The following MARF1 variants were observed in gnomAD, a reference collection of about 807,000 sequenced individuals.
MARF1 encodes the protein limkain-b1.
MARF1 carries 24 observed loss-of-function variants against 168.2 expected under a neutral mutation model. That is an observed-to-expected ratio of 0.14 (90% CI 0.10 to 0.20). The LOEUF (loss-of-function observed/expected upper bound fraction) is 0.20. MARF1 is among the 10% of genes least tolerant of loss of function. The pLI, the probability that MARF1 is intolerant of heterozygous loss-of-function variation, is 1.00. For synonymous variants in MARF1, 868 were observed against 822.4 expected (o/e 1.06, Z -0.95); for missense variants, 1,744 against 2,143.6 (o/e 0.81, Z 3.68).
At chr16:15,635,413 T>A (rs1227608765) in intron 3 of MARF1, 1 of 513,688 alleles carries the variant, frequency 1.9e-6, no homozygotes, top group Non-Finnish European at 3.4e-6. Flanking sequence ...CAACCTCTTG[T>A]TTGCAACAAG....
At chr16:15,600,924 C>G in intron 23 of MARF1, 1 of 700,786 alleles carries the variant, frequency 1.4e-6, no homozygotes, top group Non-Finnish European at 2.6e-6. Flanking sequence ...AATCATGAGA[C>G]ACAGTTTCAG....
In MARF1 at chr16:15,609,662, C is replaced by T. The variant is rs1669150987; in HGVS notation, c.3815G>A (p.Arg1272His). 2.5e-6 allele frequency: 4 copies of T among 1,613,978 alleles called. No individual in the cohort carries two copies. The highest frequency in any genetic ancestry group is 1.3e-5 in the African/African-American group (1 of 74,892). ...QFSKDVVDLL[R>H]HQPHFRMPFN... ...GGGCATCCGGAAATGGGGTTGGTGA[C>T]GCAGCAAATCAACGACATCCTTGGA... Residue 1272 changes from arginine to histidine, a missense_variant, in exon 20 of 27, where the codon CGT becomes CAT. Physicochemically the swap from Arg to His is conservative, Grantham distance 29. This residue lies in a region of MARF1 where 543 missense variants were observed against 742.1 expected (regional missense o/e 0.73). Transcript: ENST00000396368.
At chr16:15,623,910 CTT>C (rs1168260036) in intron 10 of MARF1, among the ~76,000 whole-genome samples, 12 of 132,816 alleles carry the variant, frequency 9.0e-5, no homozygotes, top group Admixed American at 1.5e-4. Flanking sequence ...GTCACTTTCT[CTT>C]TTTTTTTTTT....
In MARF1 at chr16:15,611,708, C is replaced by T. The variant is rs765487980; in HGVS notation, c.3501G>A (p.Leu1167=). Residue 1167 remains leucine (L), a synonymous_variant, in exon 18 of 27, where the codon CTG becomes CTA. Coordinates refer to ENST00000396368, the MANE Select transcript of MARF1 (RefSeq NM_014647.4). ...CCTGGGCCCTGTGGGTAAGGGTCAG[C>T]AGACGTTTGGAGCCCATTCCAAGAA... is the stretch of plus-strand genomic sequence containing the variant. ...LQILGMGSKR[L]LTLTHRAQVK... The T allele has an allele frequency of 1.2e-6, 2 of 1,614,110 alleles. No homozygotes were observed. The highest frequency in any genetic ancestry group is 1.7e-6 in the Non-Finnish European group (2 of 1,180,016).
intron 21 of MARF1, 115 bp from the exon 22 acceptor site, chr16:15,604,513 T>G (rs2032832980): frequency 1.5e-6 from 1 of 683,530 alleles, no homozygotes; most frequent in Non-Finnish European, 2.5e-6. Flanking sequence ...AATCTCTAAT[T>G]TTTTTCTCTT....
At position 15,596,818 on chromosome 16, in the gene MARF1, G is replaced by A. The variant is rs1295159215; in HGVS notation, c.5104C>T (p.Pro1702Ser). The change falls in exon 27 of 27, where the codon CCC (proline) becomes TCC (serine). Residue 1702 changes from proline (P) to serine (S), a missense_variant. By Grantham distance (74) the Pro-to-Ser change is moderately conservative. Around this residue, in one of 7 missense-constraint regions of MARF1, gnomAD observed 313 missense variants for 337.4 expected, o/e 0.93. Coordinates refer to ENST00000396368, the MANE Select transcript of MARF1 (RefSeq NM_014647.4). Reference protein sequence around the residue: ...ISAAVPVPPCPSSETSESLLS... With the variant: ...ISAAVPVPPCSSSETSESLLS... Reference sequence around the variant, plus strand: ...AGTGACTCGGAGGTTTCCGAGGAGGGGCAGGGAGGCACGGGGACAGCTGCT... The same window carrying A: ...AGTGACTCGGAGGTTTCCGAGGAGGAGCAGGGAGGCACGGGGACAGCTGCT... The A allele has an allele frequency of 1.3e-5, 21 of 1,614,052 alleles. No individual in the cohort carries two copies. The highest frequency in any genetic ancestry group is 2.2e-5 in the East Asian group (1 of 44,898).
intron 7 of MARF1, among the ~76,000 whole-genome samples, chr16:15,629,064 T>C (rs2035068823): frequency 6.7e-6 from 1 of 149,888 alleles, no homozygotes; most frequent in South Asian, 2.1e-4. Context: ...AAACAGAGTC[T>C]CGCTCTGTCG....
intron 1 of MARF1, among the ~76,000 whole-genome samples, chr16:15,640,397 C>A (rs2035870614): frequency 6.6e-6 from 1 of 152,202 alleles, no homozygotes; most frequent in African/African-American, 2.4e-5. Flanking sequence ...CAACAACACT[C>A]TTACAGGTCT....
Position 15,634,783 on chromosome 16 carries a change from C to T in MARF1, c.980G>A (p.Ser327Asn), listed in dbSNP as rs1199152621. ...AAATTTTGAAGCAGCTTTGCCTAGACTGGTCGCCAATAACAACGTGGTCTC... is the reference window on the plus strand; with the variant it reads ...AAATTTTGAAGCAGCTTTGCCTAGATTGGTCGCCAATAACAACGTGGTCTC... ...GKETTLLLAT[S>N]LGKAASKFGS... Residue 327 changes from serine (S) to asparagine (N), a missense_variant, in exon 4 of 27, where the codon AGT becomes AAT. By Grantham distance (46) the Ser-to-Asn change is conservative (BLOSUM62 1). This residue lies in a region of MARF1 where 217 missense variants were observed against 372.4 expected (regional missense o/e 0.58). Coordinates refer to ENST00000396368, the MANE Select transcript of MARF1 (RefSeq NM_014647.4). 6.2e-7 allele frequency: 1 copy of T among 1,613,612 alleles called. No homozygotes were observed. The highest frequency in any genetic ancestry group is 1.7e-5 in the Admixed American group (1 of 59,880).
chr16:15,622,361 A>T (rs1370444979), intron 11 of MARF1, among the ~76,000 whole-genome samples: 1 of 151,906 alleles, frequency 6.6e-6, no homozygotes, highest in Non-Finnish European at 1.5e-5. Flanking sequence ...GCTAACTGAA[A>T]TCCATCAATG....
chr16:15,619,390 T>A (rs35029399), intron 13 of MARF1, among the ~76,000 whole-genome samples: 2,157 of 152,352 alleles, frequency 0.014, 36 homozygotes, highest in African/African-American at 0.034. Context: ...CTGCTCTGAA[T>A]TTGGACTGAT....
intron 22 of MARF1, among the ~76,000 whole-genome samples, chr16:15,603,887 G>A (rs2032761534): frequency 6.6e-6 from 1 of 152,054 alleles, no homozygotes; most frequent in Non-Finnish European, 1.5e-5. Context: ...CCTGGAATGG[G>A]ACAAACACAC....
At chr16:15,600,290 T>A in intron 25 of MARF1, 138 bp downstream of exon 25, 1 of 1,155,290 alleles carries the variant, frequency 8.7e-7, no homozygotes, top group Non-Finnish European at 1.2e-6. Context: ...ATACCAAAAC[T>A]GCTTTGAAAA....
intron 14 of MARF1, 48 bp from the exon 15 acceptor site, chr16:15,617,219 A>G: frequency 1.2e-6 from 2 of 1,611,940 alleles, no homozygotes; most frequent in Non-Finnish European, 1.7e-6. Context: ...GCAGGGGTCT[A>G]AGATGTTCAC....
chr16:15,607,899 G>C (rs2151078740), intron 21 of MARF1, among the ~76,000 whole-genome samples: 1 of 152,334 alleles, frequency 6.6e-6, no homozygotes, highest in East Asian at 1.9e-4. Flanking sequence ...TGTGGAGGGA[G>C]AGGACACTGT....
intron 1 of MARF1, 40 bp from the exon 2 acceptor site, chr16:15,639,331 A>G (rs925236299): frequency 5.3e-5 from 72 of 1,353,556 alleles, no homozygotes; most frequent in African/African-American, 2.5e-4. Flanking sequence ...ATTTCCTTGC[A>G]TAAGTACAAA....
chr16:15,624,222 C>A (rs1324593063), intron 10 of MARF1, among the ~76,000 whole-genome samples: 1 of 152,114 alleles, frequency 6.6e-6, no homozygotes, highest in African/African-American at 2.4e-5. Flanking sequence ...CCCGGCTGAT[C>A]CATAGTCACT....
At position 15,630,394 on chromosome 16, in the gene MARF1, C is replaced by T. The variant is rs768274104; in HGVS notation, c.1462G>A (p.Glu488Lys). ...ASEALLHHANELIRFEEFISD... is the reference protein window; with the variant it reads ...ASEALLHHANKLIRFEEFISD... ...ATGAACTCTTCAAATCTGATCAGCTCGTTAGCATGATGCAGCAGTGCTTCT... is the reference window on the plus strand; with the variant it reads ...ATGAACTCTTCAAATCTGATCAGCTTGTTAGCATGATGCAGCAGTGCTTCT... The change falls in exon 7 of 27, where the codon GAG becomes AAG. Residue 488 changes from glutamate to lysine, a missense_variant. Physicochemically the swap from Glu to Lys is moderately conservative, Grantham distance 56 (BLOSUM62 1). Around this residue, in one of 7 missense-constraint regions of MARF1, gnomAD observed 217 missense variants for 372.4 expected, o/e 0.58. Coordinates refer to ENST00000396368, the MANE Select transcript of MARF1 (RefSeq NM_014647.4). 2.5e-6 allele frequency: 4 copies of T among 1,613,806 alleles called. No homozygotes were observed. The South Asian group carries it at 3.3e-5, about 13-fold the overall frequency.
rs2034460639 is a variant in MARF1, at chr16:15,621,539, A to G, written c.2639+194T>C. On this transcript the variant is annotated intron_variant, in intron 12 of 26. Transcript: ENST00000396368. ...CAAGTGCCTGTCAAGTTTAAGCTGT[A>G]TTCCAGCTTTGATTAATGACTTAGA... 5.1e-6 allele frequency: 3 copies of G among 593,446 alleles called. No homozygotes were observed. The Admixed American group carries it at 1.0e-4, about 20-fold the overall frequency. The allele number at this position is 593,446 out of a possible 1,614,324, so 36.8% of individuals were successfully genotyped here.
Sources: gnomAD v4.1 joint callset for allele counts (sites outside exome capture counted in the v4.1 genomes callset) on GRCh38, gnomAD v4.1.1 for gene constraint, gnomAD v4.1.1 regional missense constraint, MANE v1.5 for transcripts, NCBI Gene and HGNC (gene_info 2026-07-23, HGNC 2026-07-21) for gene names.